Variants in FSTL5 observed in about 807,000 individuals in gnomAD.
The protein encoded by FSTL5 is follistatin-related protein 5.
In FSTL5, 62 loss-of-function variants were observed where a neutral mutation model predicts 89.1. The ratio of observed to expected loss-of-function variants is 0.70; its 90% CI spans 0.57 to 0.86. FSTL5 has a LOEUF of 0.86. FSTL5 is among the 40% of genes least tolerant of loss of function. The pLI, the probability that FSTL5 is intolerant of heterozygous loss-of-function variation, is 0.00. For synonymous variants in FSTL5, 383 were observed against 346.2 expected, an observed-to-expected ratio of 1.11 and a Z score of -1.18; for missense variants, 1,057 against 1,001.6, an observed-to-expected ratio of 1.06 and a Z score of -0.75.
chr4:161,508,199 T>C (rs1019779435), intron 11 of FSTL5, among the ~76,000 whole-genome samples: 5 of 152,128 alleles, frequency 3.3e-5, no homozygotes, highest in Non-Finnish European at 5.9e-5. Context: ...TCACCATTAT[T>C]ACTATTAGTA....
At chr4:161,413,753 T>C (rs188763300) in intron 15 of FSTL5, among the ~76,000 whole-genome samples, 1 of 152,250 alleles carries the variant, frequency 6.6e-6, no homozygotes, top group African/African-American at 2.4e-5. Flanking sequence ...TAAAATACAA[T>C]GAAATCATGT....
At chr4:161,432,498 A>AG (rs973399380) in intron 15 of FSTL5, among the ~76,000 whole-genome samples, 27 of 152,202 alleles carry the variant, frequency 1.8e-4, no homozygotes, top group African/African-American at 6.5e-4. Flanking sequence ...CCAAAAAGGT[A>AG]GAAAAACTTC....
chr4:161,487,179 C>T (rs1729709427), intron 12 of FSTL5, among the ~76,000 whole-genome samples: 1 of 152,068 alleles, frequency 6.6e-6, no homozygotes, highest in African/African-American at 2.4e-5. Flanking sequence ...TTCTACATTT[C>T]CCAAACATAA....
intron 2 of FSTL5, among the ~76,000 whole-genome samples, chr4:162,079,384 T>C (rs959751387): frequency 2.6e-5 from 4 of 151,584 alleles, no homozygotes; most frequent in African/African-American, 9.7e-5. Context: ...TATGGAAGGT[T>C]TTAGCTGTAT....
intron 11 of FSTL5, among the ~76,000 whole-genome samples, chr4:161,500,701 T>C (rs1400691369): frequency 6.6e-6 from 1 of 152,194 alleles, no homozygotes; most frequent in Non-Finnish European, 1.5e-5. Flanking sequence ...ATTTGGGAAG[T>C]CTATTTCTAT....
rs75969045 is a variant in FSTL5, at chr4:161,988,441, C to T, written c.160+45184G>A. On this transcript the variant is annotated intron_variant, in intron 3 of 15. Coordinates refer to ENST00000306100, the MANE Select transcript of FSTL5 (RefSeq NM_020116.5). ...TTAGTCAATACTTCTCAAAGAGATG[C>T]TAAAAGTTTAAAGAGAAGAAATTTC... Among the ~76,000 whole-genome samples, 977 of 152,110 alleles carry T rather than the reference C, an allele frequency of 6.4e-3. 12 individuals carry two copies. Among genetic ancestry groups the T allele is most frequent in the African/African-American group, 0.022 (923 of 41,494 alleles).
At chr4:161,944,382 A>G (rs548686016) in intron 3 of FSTL5, among the ~76,000 whole-genome samples, 1 of 152,232 alleles carries the variant, frequency 6.6e-6, no homozygotes, top group Admixed American at 6.5e-5. Flanking sequence ...AAAAAATTTA[A>G]AAGACTAAAA....
At chr4:161,649,233 G>C (rs975451153) in intron 7 of FSTL5, among the ~76,000 whole-genome samples, 71 of 152,120 alleles carry the variant, frequency 4.7e-4, no homozygotes, top group Admixed American at 4.3e-3. Flanking sequence ...TGTGGACCCA[G>C]CATTTCAATT....
chr4:162,066,877 G>T (rs1231609052), intron 2 of FSTL5, among the ~76,000 whole-genome samples: 1 of 152,046 alleles, frequency 6.6e-6, no homozygotes, highest in South Asian at 2.1e-4. Context: ...ACTGTAAATA[G>T]TTCTGCATTA....
intron 4 of FSTL5, among the ~76,000 whole-genome samples, chr4:161,878,692 G>C (rs1332661017): frequency 1.3e-5 from 2 of 152,000 alleles, no homozygotes; most frequent in Non-Finnish European, 2.9e-5. Flanking sequence ...ATCCCTAGTA[G>C]CCAACACCAA....
intron 8 of FSTL5, among the ~76,000 whole-genome samples, chr4:161,557,254 T>C (rs1330011565): frequency 6.6e-6 from 1 of 151,400 alleles, no homozygotes; most frequent in South Asian, 2.1e-4. Context: ...GCCTAAAACT[T>C]GCTAAACAAA....
chr4:161,396,439 C>T (rs1436244744), intron 15 of FSTL5, among the ~76,000 whole-genome samples: 4 of 148,816 alleles, frequency 2.7e-5, no homozygotes, highest in African/African-American at 7.5e-5. Context: ...GTCAGGAGTT[C>T]GAGACCATCC....
At chr4:161,975,501 G>T (rs557292682) in intron 3 of FSTL5, among the ~76,000 whole-genome samples, 1 of 144,810 alleles carries the variant, frequency 6.9e-6, no homozygotes, top group South Asian at 2.2e-4. Context: ...ACTATCACAA[G>T]AACAAAAAAC....
chr4:161,744,953 A>G (rs1740145713), intron 6 of FSTL5, among the ~76,000 whole-genome samples: 2 of 152,054 alleles, frequency 1.3e-5, no homozygotes, highest in Non-Finnish European at 2.9e-5. Context: ...AATTAGTTTT[A>G]GGGATAGGAA....
intron 1 of FSTL5, among the ~76,000 whole-genome samples, chr4:162,137,968 G>A (rs889769684): frequency 1.3e-5 from 2 of 152,038 alleles, no homozygotes; most frequent in Non-Finnish European, 1.5e-5. Flanking sequence ...CTGGCAAGCT[G>A]GGGGACTCCT....
intron 3 of FSTL5, among the ~76,000 whole-genome samples, chr4:161,974,190 A>C (rs1735565656): frequency 1.3e-5 from 2 of 152,176 alleles, no homozygotes; most frequent in Admixed American, 6.5e-5. Context: ...TGCCCAAGGT[A>C]ATTTATAGAT....
intron 2 of FSTL5, among the ~76,000 whole-genome samples, chr4:162,079,347 G>A (rs1729995337): frequency 6.6e-6 from 1 of 151,618 alleles, no homozygotes; most frequent in African/African-American, 2.4e-5. Context: ...GACTTCTGGA[G>A]ATAGAGTAGA....
At chr4:161,431,419 T>G (rs182226674) in intron 15 of FSTL5, among the ~76,000 whole-genome samples, 1 of 151,756 alleles carries the variant, frequency 6.6e-6, no homozygotes, top group East Asian at 1.9e-4. Flanking sequence ...TTAAAAGATA[T>G]TATTTGTAAG....
chr4:161,674,164 C>A (rs1737219131), intron 6 of FSTL5, among the ~76,000 whole-genome samples: 1 of 151,884 alleles, frequency 6.6e-6, no homozygotes, highest in African/African-American at 2.4e-5. Context: ...TAGTAAGAAG[C>A]TTTAAAAGCA....
Sources: allele counts gnomAD v4.1 joint callset (sites outside exome capture counted in the v4.1 genomes callset), GRCh38; gene constraint gnomAD v4.1.1; transcripts MANE v1.5; gene names NCBI Gene and HGNC (gene_info 2026-07-23, HGNC 2026-07-21).